The following FAM78B variants were observed in gnomAD, a reference collection of about 807,000 sequenced individuals.
FAM78B encodes family with sequence similarity 78 member B.
In FAM78B, 10 loss-of-function variants were observed where a neutral mutation model predicts 20.0. That is an observed-to-expected ratio of 0.50 (90% confidence interval 0.31 to 0.85). FAM78B has a LOEUF of 0.85. FAM78B is among the 40% of genes least tolerant of loss of function. FAM78B has a pLI of 0.05. For missense variants in FAM78B, 283 were observed against 345.0 expected (o/e 0.82, Z 1.42); for synonymous variants, 135 against 132.8 (o/e 1.02, Z -0.12).
At position 166,166,692 on chromosome 1, in the gene FAM78B, C is replaced by T. The variant is rs1311254514; in HGVS notation, c.-444G>A. The T allele has an allele frequency of 6.7e-6, 1 of 149,802 alleles. No individual in the cohort carries two copies. Among genetic ancestry groups the T allele is most frequent in the Non-Finnish European group, 1.5e-5 (1 of 67,056 alleles). 9.3% of individuals were successfully genotyped at this position (149,802 alleles called of 1,614,324 possible). ...GTGGCAGCGCCCGGTCTGTCTGCCT[C>T]CGCGGCGGCAGCAGCAGCAGCCGCC... On this transcript the variant is annotated 5_prime_UTR_variant, in exon 1 of 2. Coordinates refer to ENST00000354422, the MANE Select transcript of FAM78B (RefSeq NM_001017961.5).
intron 1 of FAM78B, among the ~76,000 whole-genome samples, chr1:166,118,637 A>T (rs1654350800): frequency 6.6e-6 from 1 of 152,134 alleles, no homozygotes; most frequent in Non-Finnish European, 1.5e-5. Flanking sequence ...GGCAGAGCTG[A>T]GTGGTTGCAA....
intron 1 of FAM78B, among the ~76,000 whole-genome samples, chr1:166,074,752 A>C (rs982344039): frequency 1.3e-5 from 2 of 152,216 alleles, no homozygotes; most frequent in Non-Finnish European, 2.9e-5. Context: ...TAAAAGGAGG[A>C]GGCACATTTA....
intron 1 of FAM78B, among the ~76,000 whole-genome samples, chr1:166,104,541 G>A (rs1411183123): frequency 6.6e-6 from 1 of 151,814 alleles, no homozygotes; most frequent in Non-Finnish European, 1.5e-5. Flanking sequence ...AAAATCACAA[G>A]CATTCTTATA....
chr1:166,140,001 G>A (rs895935254), intron 1 of FAM78B, among the ~76,000 whole-genome samples: 20 of 152,210 alleles, frequency 1.3e-4, no homozygotes, highest in Admixed American at 9.8e-4. Context: ...GCAGGATGAG[G>A]GAGAGGGTAA....
intron 1 of FAM78B, among the ~76,000 whole-genome samples, chr1:166,075,439 A>C (rs899298157): frequency 6.6e-6 from 1 of 152,146 alleles, no homozygotes; most frequent in African/African-American, 2.4e-5. Context: ...GTGTGTGTGT[A>C]ATCATTCACA....
intron 1 of FAM78B, among the ~76,000 whole-genome samples, chr1:166,136,807 T>C (rs1426039891): frequency 6.6e-6 from 1 of 152,210 alleles, no homozygotes; most frequent in Admixed American, 6.5e-5. Context: ...TAGTCTAGGC[T>C]CCTGCTCAGT....
At chr1:166,159,254 C>T (rs941523156) in intron 1 of FAM78B, among the ~76,000 whole-genome samples, 3 of 152,070 alleles carry the variant, frequency 2.0e-5, no homozygotes, top group African/African-American at 7.2e-5. Flanking sequence ...ATATAGAAAG[C>T]CAGGACACAG....
intron 1 of FAM78B, chr1:166,081,289 T>C (rs1652562625): frequency 6.6e-6 from 1 of 152,226 alleles, no homozygotes; most frequent in Non-Finnish European, 1.5e-5. Flanking sequence ...CTTCTCACTG[T>C]GTATTTAACC....
At chr1:166,126,103 G>A (rs1654631999) in intron 1 of FAM78B, among the ~76,000 whole-genome samples, 1 of 151,932 alleles carries the variant, frequency 6.6e-6, no homozygotes, top group African/African-American at 2.4e-5. Flanking sequence ...CAAAGTGCTG[G>A]GATTACAGGT....
chr1:166,137,968 A>C (rs1398059135), intron 1 of FAM78B, among the ~76,000 whole-genome samples: 1 of 152,224 alleles, frequency 6.6e-6, no homozygotes, highest in Admixed American at 6.5e-5. Context: ...AGAACAGAGC[A>C]GGTGGCTGGA....
intron 2 of FAM78B, among the ~76,000 whole-genome samples, chr1:166,061,934 C>T (rs1651617222): frequency 6.6e-6 from 1 of 152,212 alleles, no homozygotes. Context: ...GCCTGTGTGC[C>T]AGTCACATCA....
At chr1:166,134,722 G>A (rs1655009304) in intron 1 of FAM78B, among the ~76,000 whole-genome samples, 1 of 152,064 alleles carries the variant, frequency 6.6e-6, no homozygotes, top group Non-Finnish European at 1.5e-5. Context: ...GGAGAATATG[G>A]GGGATCCATT....
chr1:166,130,979 T>G (rs1397985304), intron 1 of FAM78B, among the ~76,000 whole-genome samples: 1 of 146,718 alleles, frequency 6.8e-6, no homozygotes, highest in Non-Finnish European at 1.5e-5. Context: ...TCTCCCCAGG[T>G]GCTTTTTTTT....
At chr1:166,099,613 G>A (rs1004421561) in intron 1 of FAM78B, among the ~76,000 whole-genome samples, 3 of 152,110 alleles carry the variant, frequency 2.0e-5, no homozygotes, top group African/African-American at 7.2e-5. Context: ...AGCGAGCAGG[G>A]GTAGGTAGCT....
At chr1:166,111,601 CACCTGAAGTGGGGGAAA>C (rs1222059862) in intron 1 of FAM78B, among the ~76,000 whole-genome samples, 1 of 152,168 alleles carries the variant, frequency 6.6e-6, no homozygotes, top group East Asian at 1.9e-4. Flanking sequence ...TCCTTTTGGT[CACCTGAAGTGGGGGAAA>C]AGTCAAACTC....
chr1:166,090,365 A>C lies in FAM78B; in HGVS notation c.264-19602T>G, dbSNP rs944998859. 3.9e-5 allele frequency among the ~76,000 whole-genome samples: 6 copies of C among 152,304 alleles called. No individual in the cohort carries two copies. In the South Asian group the frequency reaches 6.2e-4, roughly 16 times the overall value. On this transcript the variant is annotated intron_variant, in intron 1 of 1. Coordinates refer to ENST00000354422, the MANE Select transcript of FAM78B (RefSeq NM_001017961.5). ...ACACATGAACCTTCTCAGGTTCCGG[A>C]CAGGCAGAGCAATGCCTCACTGAAA...
At chr1:166,082,379 T>G (rs1652616824) in intron 1 of FAM78B, among the ~76,000 whole-genome samples, 1 of 152,216 alleles carries the variant, frequency 6.6e-6, no homozygotes, top group South Asian at 2.1e-4. Context: ...CCTTTTCTTT[T>G]TCTGAAAATA....
chr1:166,151,981 CTT>C (rs1477809545), intron 1 of FAM78B, among the ~76,000 whole-genome samples: 1 of 152,214 alleles, frequency 6.6e-6, no homozygotes, highest in Non-Finnish European at 1.5e-5. Context: ...CTCTGAAAGA[CTT>C]TTCAATTGTG....
chr1:166,096,418 A>C (rs1342138011), intron 1 of FAM78B, among the ~76,000 whole-genome samples: 2 of 151,824 alleles, frequency 1.3e-5, no homozygotes, highest in African/African-American at 4.8e-5. Context: ...TGCATAGATC[A>C]CTCTACATCC....
Sources: allele counts gnomAD v4.1 joint callset (sites outside exome capture counted in the v4.1 genomes callset), GRCh38; gene constraint gnomAD v4.1.1; transcripts MANE v1.5; gene names NCBI Gene and HGNC (gene_info 2026-07-23, HGNC 2026-07-21).